The following TNR variants were observed in gnomAD, a reference collection of about 807,000 sequenced individuals.
The protein encoded by TNR is tenascin-R.
Under a neutral mutation model 150.4 loss-of-function variants are expected in TNR, and 45 were observed. The observed-to-expected ratio is 0.30, with a 90% CI of 0.24 to 0.38. TNR has a LOEUF of 0.38. Among genes scored for constraint, TNR ranks in the 10% least tolerant of loss-of-function variants. The pLI is 1.00. For synonymous variants in TNR, 687 were observed against 678.4 expected, an observed-to-expected ratio of 1.01 and a Z score of -0.20; for missense variants, 1,544 against 1,759.1, an observed-to-expected ratio of 0.88 and a Z score of 2.19.
intron 2 of TNR, among the ~76,000 whole-genome samples, chr1:175,435,606 C>T (rs71645249): frequency 0.018 from 2,756 of 152,212 alleles, 45 homozygotes; most frequent in South Asian, 0.056. Context: ...TGGAAATGAG[C>T]GGCGTGAGTG....
intron 2 of TNR, among the ~76,000 whole-genome samples, chr1:175,420,329 C>T (rs1397659354): frequency 2.0e-5 from 3 of 152,212 alleles, no homozygotes; most frequent in Non-Finnish European, 2.9e-5. Context: ...TTAAAACTTA[C>T]TTTCCTCTGT....
At position 175,646,318 on chromosome 1, in the gene TNR, A is replaced by C. The variant is rs573297952; in HGVS notation, c.-165+96908T>G. Among the ~76,000 whole-genome samples the C allele has an allele frequency of 2.9e-4, 44 of 152,328 alleles. 1 individual carries two copies. In the South Asian group the frequency reaches 8.7e-3, roughly 30 times the overall value. On this transcript the variant is annotated intron_variant, in intron 1 of 22. Coordinates refer to ENST00000367674, the MANE Select transcript of TNR (RefSeq NM_003285.3). ...ACTGGGTCACTTTTTACTGGAAGCTAACCACATAAATAGTGATGGCATTAT... is the reference window on the plus strand; with the variant it reads ...ACTGGGTCACTTTTTACTGGAAGCTCACCACATAAATAGTGATGGCATTAT...
chr1:175,616,031 A>G (rs1571679309), intron 1 of TNR, among the ~76,000 whole-genome samples: 1 of 152,330 alleles, frequency 6.6e-6, no homozygotes, highest in Middle Eastern at 3.4e-3. Flanking sequence ...TAATTTTTAA[A>G]AATAACTGAG....
intron 18 of TNR, among the ~76,000 whole-genome samples, chr1:175,341,495 T>C (rs1042880666): frequency 1.3e-5 from 2 of 152,172 alleles, no homozygotes; most frequent in African/African-American, 2.4e-5. Context: ...GAAGAATTGC[T>C]CTGAAATTGG....
intron 1 of TNR, among the ~76,000 whole-genome samples, chr1:175,684,664 C>T (rs1279042397): frequency 1.3e-5 from 2 of 152,180 alleles, no homozygotes; most frequent in African/African-American, 2.4e-5. Flanking sequence ...GCATATTGAA[C>T]ATTTCTGAAG....
intron 2 of TNR, among the ~76,000 whole-genome samples, chr1:175,407,435 C>T (rs59354883): frequency 0.038 from 5,811 of 152,202 alleles, 357 homozygotes; most frequent in African/African-American, 0.13. Context: ...GCTTTTCTTC[C>T]AAGTTCCTGT....
intron 1 of TNR, among the ~76,000 whole-genome samples, chr1:175,639,361 T>C (rs1335568922): frequency 1.3e-5 from 2 of 152,230 alleles, no homozygotes; most frequent in Non-Finnish European, 2.9e-5. Flanking sequence ...AATGCCATGC[T>C]GAAACTCATT....
At chr1:175,418,166 C>T (rs1416198326) in intron 2 of TNR, among the ~76,000 whole-genome samples, 1 of 152,054 alleles carries the variant, frequency 6.6e-6, no homozygotes, top group East Asian at 1.9e-4. Context: ...AGGAACAGGA[C>T]TAGGTTCCAT....
Position 175,321,431 on chromosome 1 carries a change from A to G in TNR, c.*1926T>C, listed in dbSNP as rs1031407936. 2 of 152,268 alleles carry G rather than the reference A, an allele frequency of 1.3e-5. No individual in the cohort carries two copies. The highest frequency in any genetic ancestry group is 4.8e-5 in the African/African-American group (2 of 41,452). The allele number at this position is 152,268 out of a possible 1,614,324, so 9.4% of individuals were successfully genotyped here. A position where few individuals can be genotyped will look rare whatever the true frequency, so the allele number is the denominator to read the frequency against. The stretch of plus-strand genomic sequence containing the variant: ...GGATATTTCCATTAGAAAATTGCCG[A>G]CACTAAGGCTCATCCAGTAACTGGT... On this transcript the variant is annotated 3_prime_UTR_variant, in exon 23 of 23. Coordinates refer to ENST00000367674, the MANE Select transcript of TNR (RefSeq NM_003285.3).
At chr1:175,671,112 G>A (rs191976267) in intron 1 of TNR, among the ~76,000 whole-genome samples, 11 of 152,298 alleles carry the variant, frequency 7.2e-5, no homozygotes, top group African/African-American at 2.2e-4. Context: ...CTGAACACCC[G>A]TAGGGGTATC....
chr1:175,347,370 A>G (rs1180870523), intron 18 of TNR, among the ~76,000 whole-genome samples: 3 of 152,142 alleles, frequency 2.0e-5, no homozygotes, highest in Non-Finnish European at 4.4e-5. Context: ...TTAGCCAATT[A>G]TATATTTTCT....
At chr1:175,490,171 A>G (rs1658183999) in intron 2 of TNR, among the ~76,000 whole-genome samples, 1 of 152,228 alleles carries the variant, frequency 6.6e-6, no homozygotes, top group South Asian at 2.1e-4. Flanking sequence ...GGCTAGCCTT[A>G]TGCAGAAAAT....
At chr1:175,683,427 C>A (rs1666100350) in intron 1 of TNR, among the ~76,000 whole-genome samples, 1 of 152,194 alleles carries the variant, frequency 6.6e-6, no homozygotes, top group Non-Finnish European at 1.5e-5. Context: ...TTTACTGGAA[C>A]AATTTTTCTC....
chr1:175,561,789 C>A (rs1661438233), intron 1 of TNR, among the ~76,000 whole-genome samples: 1 of 152,230 alleles, frequency 6.6e-6, no homozygotes, highest in Admixed American at 6.5e-5. Context: ...AGAGCTGGGA[C>A]TTTTCTATAA....
intron 1 of TNR, among the ~76,000 whole-genome samples, chr1:175,642,180 C>T (rs1346800855): frequency 6.6e-6 from 1 of 152,132 alleles, no homozygotes; most frequent in Non-Finnish European, 1.5e-5. Context: ...AGAACACTTC[C>T]CCCACCACCC....
At chr1:175,549,544 T>C (rs1558000605) in intron 1 of TNR, among the ~76,000 whole-genome samples, 1 of 152,202 alleles carries the variant, frequency 6.6e-6, no homozygotes, top group Non-Finnish European at 1.5e-5. Context: ...TGTGATGAGG[T>C]TATGTTACAT....
intron 5 of TNR, among the ~76,000 whole-genome samples, chr1:175,395,276 G>A (rs1653370617): frequency 6.6e-6 from 1 of 152,090 alleles, no homozygotes; most frequent in South Asian, 2.1e-4. Context: ...AAGATTTCAA[G>A]GCTAAATCTT....
chr1:175,400,459 G>A (rs1486015957), intron 4 of TNR, among the ~76,000 whole-genome samples: 2 of 152,132 alleles, frequency 1.3e-5, no homozygotes, highest in Non-Finnish European at 2.9e-5. Flanking sequence ...TGAATGTTTT[G>A]TTCTATTATC....
intron 1 of TNR, among the ~76,000 whole-genome samples, chr1:175,680,060 C>A (rs1246761207): frequency 6.6e-6 from 1 of 152,156 alleles, no homozygotes; most frequent in Non-Finnish European, 1.5e-5. Flanking sequence ...ACCATGTACA[C>A]CCCCAGCTGA....
Sources: allele counts gnomAD v4.1 joint callset (sites outside exome capture counted in the v4.1 genomes callset), GRCh38; gene constraint gnomAD v4.1.1; transcripts MANE v1.5; gene names NCBI Gene and HGNC (gene_info 2026-07-23, HGNC 2026-07-21).